Variants in CD28 observed in about 807,000 individuals in gnomAD.
The protein encoded by CD28 is T-cell-specific surface glycoprotein CD28.
In CD28, 8 loss-of-function variants were observed where a neutral mutation model predicts 21.4. That is an observed-to-expected ratio of 0.37 (90% CI 0.22 to 0.68). The LOEUF (loss-of-function observed/expected upper bound fraction) is 0.68. Ranked by LOEUF, CD28 falls within the 30% of genes least tolerant of loss-of-function variation. The pLI is 0.55. For synonymous variants in CD28, 106 were observed against 104.0 expected, an observed-to-expected ratio of 1.02 and a Z score of -0.12; for missense variants, 239 against 272.2, an observed-to-expected ratio of 0.88 and a Z score of 0.86.
At chr2:203,729,381 C>T (rs753575904) in intron 2 of CD28, among the ~76,000 whole-genome samples, 1 of 152,278 alleles carries the variant, frequency 6.6e-6, no homozygotes, top group Middle Eastern at 3.4e-3. Flanking sequence ...TTTTGAATCA[C>T]ACAGTAGAAT....
In CD28 at chr2:203,735,181, A is replaced by T. The variant is rs1693999803; in HGVS notation, c.*269A>T. 4.7e-6 allele frequency: 2 copies of T among 427,814 alleles called. No homozygotes were observed. The allele number at this position is 427,814 out of a possible 1,614,324, so 26.5% of individuals were successfully genotyped here. ...CATGTACTTAGTGACTTGACTGAGAAGTTAGGGTAGAAAACAAAAAGGGAG... is the reference window on the plus strand; with the variant it reads ...CATGTACTTAGTGACTTGACTGAGATGTTAGGGTAGAAAACAAAAAGGGAG... On this transcript the variant is annotated 3_prime_UTR_variant, in exon 4 of 4. Transcript: ENST00000324106.
intron 1 of CD28, among the ~76,000 whole-genome samples, chr2:203,710,123 T>C (rs528520831): frequency 3.2e-4 from 48 of 152,252 alleles, no homozygotes; most frequent in African/African-American, 1.1e-3. Context: ...GAAAGTAAGG[T>C]GAAAAGATGA....
chr2:203,713,375 AAACT>A (rs1246988140), intron 1 of CD28, among the ~76,000 whole-genome samples: 2 of 152,212 alleles, frequency 1.3e-5, no homozygotes, highest in African/African-American at 4.8e-5. Context: ...CTGAATCTGG[AAACT>A]AACTGGCTCT....
chr2:203,721,401 T>C (rs947433642), intron 1 of CD28, among the ~76,000 whole-genome samples: 3 of 152,154 alleles, frequency 2.0e-5, no homozygotes, highest in Admixed American at 2.0e-4. Context: ...TTGTCTTTTG[T>C]AACTCATGGC....
intron 1 of CD28, among the ~76,000 whole-genome samples, chr2:203,724,862 A>G (rs1693698859): frequency 6.6e-6 from 1 of 152,232 alleles, no homozygotes; most frequent in African/African-American, 2.4e-5. Context: ...GGTATACGGG[A>G]TGTTGCTTCA....
chr2:203,734,938 CG>C lies in CD28; in HGVS notation c.*28del. ...CACGGACGCCTATCCAGAAGCCAGC[CG>C]GCTGGCAGCCCCCATCTGCTCAATA... On this transcript the variant is annotated 3_prime_UTR_variant, in exon 4 of 4. Transcript: ENST00000324106. The C allele has an allele frequency of 6.2e-7, 1 of 1,610,016 alleles. No homozygotes were observed. The highest frequency in any genetic ancestry group is 8.5e-7 in the Non-Finnish European group (1 of 1,177,730).
intron 1 of CD28, among the ~76,000 whole-genome samples, chr2:203,718,641 A>T (rs538085584): frequency 6.6e-6 from 1 of 152,330 alleles, no homozygotes; most frequent in Non-Finnish European, 1.5e-5. Context: ...GTTCTTAAAG[A>T]TTCTGGAGGA....
intron 1 of CD28, among the ~76,000 whole-genome samples, chr2:203,722,905 G>A (rs1038927731): frequency 6.6e-6 from 1 of 152,202 alleles, no homozygotes; most frequent in African/African-American, 2.4e-5. Flanking sequence ...AAAACCTGTG[G>A]AGGCCGATTT....
intron 2 of CD28, among the ~76,000 whole-genome samples, chr2:203,728,332 T>C (rs1693805597): frequency 6.6e-6 from 1 of 152,220 alleles, no homozygotes; most frequent in African/African-American, 2.4e-5. Context: ...AGAAAAATCA[T>C]GATTCCCCAA....
intron 1 of CD28, among the ~76,000 whole-genome samples, chr2:203,722,214 ACT>A (rs932292528): frequency 6.6e-6 from 1 of 152,136 alleles, no homozygotes; most frequent in African/African-American, 2.4e-5. Context: ...ACCTGCACTC[ACT>A]CTCTGAAAAG....
At chr2:203,709,353 A>G (rs1416001234) in intron 1 of CD28, among the ~76,000 whole-genome samples, 1 of 151,924 alleles carries the variant, frequency 6.6e-6, no homozygotes, top group African/African-American at 2.4e-5. Flanking sequence ...CATTAATTTA[A>G]TAATGTGTGT....
intron 1 of CD28, among the ~76,000 whole-genome samples, chr2:203,718,639 A>C (rs1272945385): frequency 2.0e-5 from 3 of 152,354 alleles, no homozygotes; most frequent in Admixed American, 2.0e-4. Flanking sequence ...AAGTTCTTAA[A>C]GATTCTGGAG....
chr2:203,731,924 T>C (rs546405528), intron 3 of CD28, among the ~76,000 whole-genome samples: 1 of 152,340 alleles, frequency 6.6e-6, no homozygotes, highest in East Asian at 1.9e-4. Context: ...AACTACCACT[T>C]ATCTGCATCT....
In CD28 at chr2:203,706,682, A is replaced by C; in HGVS notation, c.-15A>C. On this transcript the variant is annotated 5_prime_UTR_variant, in exon 1 of 4. Transcript: ENST00000324106. ...GGAGGAGGGGCTGGAACCCTAGCCC[A>C]TCGTCAGGACAAAGATGCTCAGGCT... 3 of 1,614,120 alleles carry C rather than the reference A, an allele frequency of 1.9e-6. No homozygotes were observed. Among genetic ancestry groups the C allele is most frequent in the Non-Finnish European group, 2.5e-6 (3 of 1,180,006 alleles).
At chr2:203,707,249 C>G (rs559320924) in intron 1 of CD28, among the ~76,000 whole-genome samples, 1 of 151,912 alleles carries the variant, frequency 6.6e-6, no homozygotes, top group Non-Finnish European at 1.5e-5. Context: ...ATTTAGGTTG[C>G]CTATGTTCCT....
chr2:203,716,632 C>T (rs778062476), intron 1 of CD28, among the ~76,000 whole-genome samples: 1 of 152,168 alleles, frequency 6.6e-6, no homozygotes, highest in Non-Finnish European at 1.5e-5. Flanking sequence ...TGCCTTAGGT[C>T]TTGGTGCTCA....
intron 1 of CD28, among the ~76,000 whole-genome samples, chr2:203,722,246 G>T (rs866816977): frequency 6.6e-6 from 1 of 152,250 alleles, no homozygotes; most frequent in South Asian, 2.1e-4. Flanking sequence ...TGCAGGCATT[G>T]CTTGCTGGAG....
intron 1 of CD28, among the ~76,000 whole-genome samples, chr2:203,712,031 A>G (rs915098816): frequency 6.6e-6 from 1 of 152,006 alleles, no homozygotes; most frequent in South Asian, 2.1e-4. Flanking sequence ...ATCTCTACTA[A>G]AAATACAAAA....
At chr2:203,709,926 G>A (rs1052627416) in intron 1 of CD28, among the ~76,000 whole-genome samples, 8 of 152,106 alleles carry the variant, frequency 5.3e-5, no homozygotes, top group South Asian at 2.1e-4. Context: ...TTCCCTTAGC[G>A]CTTATTTTTC....
Sources: allele counts gnomAD v4.1 joint callset (sites outside exome capture counted in the v4.1 genomes callset), GRCh38; gene constraint gnomAD v4.1.1; transcripts MANE v1.5; gene names NCBI Gene and HGNC (gene_info 2026-07-23, HGNC 2026-07-21).